Variants in SNX13 observed in about 807,000 individuals in gnomAD.
SNX13 encodes the protein sorting nexin-13.
In SNX13, 45 loss-of-function variants were observed where a neutral mutation model predicts 133.6. The ratio of observed to expected loss-of-function variants is 0.34; its 90% CI spans 0.27 to 0.43. SNX13 has a LOEUF of 0.43. SNX13 is among the 20% of genes least tolerant of loss of function. SNX13 has a pLI of 1.00. For missense variants in SNX13, 1,032 were observed against 1,145.1 expected (o/e 0.90, Z 1.43); for synonymous variants, 414 against 373.9 (o/e 1.11, Z -1.24).
chr7:17,811,762 G>A (rs6958131), intron 20 of SNX13, among the ~76,000 whole-genome samples: 84,580 of 151,974 alleles, frequency 0.56, 24,009 homozygotes, highest in South Asian at 0.68. Flanking sequence ...CAAAGCTACA[G>A]TAGTCAAAAC....
chr7:17,825,029 A>T (rs1472994200), intron 17 of SNX13, among the ~76,000 whole-genome samples: 3 of 152,024 alleles, frequency 2.0e-5, no homozygotes, highest in Non-Finnish European at 4.4e-5. Flanking sequence ...CAGCCTCCCA[A>T]AAGTTCTGGG....
At chr7:17,804,696 ACACAAAAC>A (rs1784992383) in intron 20 of SNX13, among the ~76,000 whole-genome samples, 1 of 152,078 alleles carries the variant, frequency 6.6e-6, no homozygotes, top group South Asian at 2.1e-4. Context: ...CAAAGAAAAG[ACACAAAAC>A]CAAAGTCATA....
intron 17 of SNX13, among the ~76,000 whole-genome samples, chr7:17,823,635 G>A (rs1469519195): frequency 6.6e-6 from 1 of 152,084 alleles, no homozygotes; most frequent in East Asian, 1.9e-4. Flanking sequence ...TGGACATCTT[G>A]CTCTGTAAGT....
At chr7:17,897,970 A>C (rs925722205) in intron 1 of SNX13, 2 of 152,058 alleles carry the variant, frequency 1.3e-5, no homozygotes, top group African/African-American at 4.8e-5. Context: ...TATTTTACTC[A>C]AATTACGTAT....
intron 1 of SNX13, among the ~76,000 whole-genome samples, chr7:17,924,768 C>G (rs1262123145): frequency 6.6e-6 from 1 of 152,136 alleles, no homozygotes; most frequent in Non-Finnish European, 1.5e-5. Context: ...TATATCCATA[C>G]AATGGAATGT....
chr7:17,937,220 C>T (rs2128055195), intron 1 of SNX13, among the ~76,000 whole-genome samples: 1 of 152,098 alleles, frequency 6.6e-6, no homozygotes, highest in African/African-American at 2.4e-5. Flanking sequence ...TTACATTAAT[C>T]TATATTTCAT....
At chr7:17,829,134 A>T (rs1788210080) in intron 16 of SNX13, among the ~76,000 whole-genome samples, 1 of 151,548 alleles carries the variant, frequency 6.6e-6, no homozygotes, top group South Asian at 2.1e-4. Context: ...GTTATTTTAG[A>T]AGCAGACATG....
intron 15 of SNX13, chr7:17,831,820 A>G: frequency 5.1e-6 from 5 of 982,798 alleles, no homozygotes; most frequent in Non-Finnish European, 6.0e-6. Flanking sequence ...TGATTAAATA[A>G]TCATATAAAA....
At chr7:17,807,862 G>A (rs570092068) in intron 20 of SNX13, among the ~76,000 whole-genome samples, 3 of 122,604 alleles carry the variant, frequency 2.4e-5, no homozygotes, top group African/African-American at 1.1e-4. Context: ...TGCCACAGAG[G>A]GGCCTGATTG....
chr7:17,867,191 A>G (rs1793497021), intron 9 of SNX13, among the ~76,000 whole-genome samples: 1 of 152,188 alleles, frequency 6.6e-6, no homozygotes, highest in African/African-American at 2.4e-5. Context: ...AAGTTCACAG[A>G]GGAAAAGAAG....
chr7:17,861,310 T>A (rs532590756), intron 9 of SNX13, among the ~76,000 whole-genome samples: 1 of 151,100 alleles, frequency 6.6e-6, no homozygotes, highest in Non-Finnish European at 1.5e-5. Context: ...TTGGCAGTTA[T>A]CACACATACA....
intron 1 of SNX13, among the ~76,000 whole-genome samples, chr7:17,904,896 T>C (rs2128009369): frequency 6.6e-6 from 1 of 152,284 alleles, no homozygotes. Context: ...GAACCCTGTC[T>C]CATTCAGCAT....
chr7:17,893,451 A>T lies in SNX13; in HGVS notation c.126-17T>A. 6.9e-7 allele frequency: 1 copy of T among 1,452,758 alleles called. No individual in the cohort carries two copies. The highest frequency in any genetic ancestry group is 1.4e-5 in the African/African-American group (1 of 70,138). 90.0% of individuals were successfully genotyped at this position (1,452,758 alleles called of 1,614,324 possible). A position where few individuals can be genotyped will look rare whatever the true frequency, so the allele number is the denominator to read the frequency against. ...ACTAAACCCCTAGAAAGAAAAATTT[A>T]ATCACAAATATAAAAACAAAATTTC... On this transcript the variant is annotated splice_polypyrimidine_tract_variant and intron_variant, in intron 2 of 25. Coordinates refer to ENST00000428135, the MANE Select transcript of SNX13 (RefSeq NM_015132.5).
chr7:17,932,623 C>G (rs1490647564), intron 1 of SNX13, among the ~76,000 whole-genome samples: 1 of 152,158 alleles, frequency 6.6e-6, no homozygotes, highest in Non-Finnish European at 1.5e-5. Flanking sequence ...CAGGAGTTTA[C>G]TCTATTAGGG....
intron 8 of SNX13, among the ~76,000 whole-genome samples, chr7:17,870,810 CA>C (rs1006692128): frequency 1.1e-3 from 160 of 152,258 alleles, no homozygotes; most frequent in African/African-American, 3.6e-3. Context: ...ATCAAATTAA[CA>C]ACCAAATTAC....
chr7:17,932,419 C>T lies in SNX13; in HGVS notation c.12+7865G>A, dbSNP rs1039381723. On this transcript the variant is annotated intron_variant, in intron 1 of 25. Transcript: ENST00000428135. ...AAAATGTCTAATGAACAGATAGTAA[C>T]CAATCCTTTAAGGGTAATTAATATG... is the stretch of plus-strand genomic sequence containing the variant. 2.6e-5 allele frequency among the ~76,000 whole-genome samples: 4 copies of T among 152,120 alleles called. No homozygotes were observed. In the East Asian group the frequency reaches 7.7e-4, roughly 29 times the overall value.
chr7:17,842,818 A>T (rs1790056518), intron 12 of SNX13, among the ~76,000 whole-genome samples: 1 of 152,044 alleles, frequency 6.6e-6, no homozygotes, highest in South Asian at 2.1e-4. Context: ...CAGAGCTGTA[A>T]AGGAGCAAAG....
intron 1 of SNX13, among the ~76,000 whole-genome samples, chr7:17,910,479 TGCTG>T (rs910243804): frequency 5.3e-5 from 8 of 152,164 alleles, no homozygotes; most frequent in African/African-American, 1.9e-4. Flanking sequence ...TGTACAATGG[TGCTG>T]CCACTGTGTA....
intron 1 of SNX13, among the ~76,000 whole-genome samples, chr7:17,910,608 T>G (rs1798859246): frequency 6.6e-6 from 1 of 152,152 alleles, no homozygotes; most frequent in Non-Finnish European, 1.5e-5. Flanking sequence ...CAGAAACATG[T>G]ACACACATGT....
Sources: allele counts gnomAD v4.1 joint callset (sites outside exome capture counted in the v4.1 genomes callset), GRCh38; gene constraint gnomAD v4.1.1; transcripts MANE v1.5; gene names NCBI Gene and HGNC (gene_info 2026-07-23, HGNC 2026-07-21).